The following SPOCK1 variants were observed in gnomAD, a reference collection of about 807,000 sequenced individuals.
SPOCK1 encodes the protein testican-1.
A neutral mutation model predicts 55.3 loss-of-function variants in SPOCK1; 23 were observed. The ratio of observed to expected loss-of-function variants is 0.42; its 90% CI spans 0.30 to 0.59. The LOEUF is 0.59. Ranked by LOEUF, SPOCK1 falls within the 20% of genes least tolerant of loss-of-function variation. SPOCK1 has a pLI of 0.22. For missense variants in SPOCK1, 499 were observed against 552.5 expected (o/e 0.90, Z 0.97); for synonymous variants, 226 against 221.0 (o/e 1.02, Z -0.20).
chr5:137,182,230 C>T (rs1181132122), intron 3 of SPOCK1, among the ~76,000 whole-genome samples: 2 of 152,090 alleles, frequency 1.3e-5, no homozygotes, highest in Non-Finnish European at 2.9e-5. Context: ...TTTTCCTCAC[C>T]TAAAACTTAA....
chr5:137,480,560 T>TA (rs1046849506), intron 2 of SPOCK1, among the ~76,000 whole-genome samples: 1 of 152,044 alleles, frequency 6.6e-6, no homozygotes, highest in African/African-American at 2.4e-5. Flanking sequence ...CCAAGAGAAG[T>TA]AAGTGGATTA....
chr5:137,237,658 G>A (rs2127098044), intron 3 of SPOCK1, among the ~76,000 whole-genome samples: 1 of 152,348 alleles, frequency 6.6e-6, no homozygotes, highest in East Asian at 1.9e-4. Flanking sequence ...CTTATTCAAA[G>A]AGTCAACGTG....
intron 2 of SPOCK1, among the ~76,000 whole-genome samples, chr5:137,409,727 T>G (rs1752171776): frequency 6.6e-6 from 1 of 152,168 alleles, no homozygotes; most frequent in Non-Finnish European, 1.5e-5. Context: ...AGAAAGTTAA[T>G]TTTGTTTTTT....
chr5:137,141,974 C>A (rs1182364790), intron 3 of SPOCK1, among the ~76,000 whole-genome samples: 5 of 152,166 alleles, frequency 3.3e-5, no homozygotes, highest in African/African-American at 1.2e-4. Context: ...TGCTGAGGTG[C>A]ACATGCTCAT....
chr5:137,108,383 G>A (rs1753405956), intron 5 of SPOCK1, among the ~76,000 whole-genome samples: 1 of 151,672 alleles, frequency 6.6e-6, no homozygotes, highest in African/African-American at 2.4e-5. Context: ...TGTTAAGAAA[G>A]AGAAAACACA....
intron 3 of SPOCK1, among the ~76,000 whole-genome samples, chr5:137,253,400 A>C (rs1294249803): frequency 2.0e-5 from 3 of 152,246 alleles, no homozygotes; most frequent in African/African-American, 7.2e-5. Context: ...GCAAAGCTGC[A>C]TAGACATAAC....
chr5:136,990,291 C>T (rs1403999828), intron 7 of SPOCK1, among the ~76,000 whole-genome samples: 10 of 152,080 alleles, frequency 6.6e-5, no homozygotes, highest in Admixed American at 6.6e-4. Context: ...AGCATCTCCT[C>T]CTCTGAGCTC....
At chr5:137,242,736 C>A (rs1431471789) in intron 3 of SPOCK1, among the ~76,000 whole-genome samples, 1 of 151,988 alleles carries the variant, frequency 6.6e-6, no homozygotes, top group Non-Finnish European at 1.5e-5. Flanking sequence ...AAACCCTGTA[C>A]CCCCAACCCC....
At chr5:137,202,709 G>A (rs138669687) in intron 3 of SPOCK1, among the ~76,000 whole-genome samples, 1 of 152,070 alleles carries the variant, frequency 6.6e-6, no homozygotes, top group Admixed American at 6.5e-5. Context: ...GATTTGAAAA[G>A]GAAAATAACA....
intron 2 of SPOCK1, among the ~76,000 whole-genome samples, chr5:137,380,509 A>G (rs1326108660): frequency 6.6e-6 from 1 of 152,218 alleles, no homozygotes; most frequent in Non-Finnish European, 1.5e-5. Context: ...TGAAGACAAG[A>G]GGTTTAATTG....
intron 3 of SPOCK1, among the ~76,000 whole-genome samples, chr5:137,192,371 C>G (rs1755199635): frequency 6.6e-6 from 1 of 151,946 alleles, no homozygotes; most frequent in Non-Finnish European, 1.5e-5. Flanking sequence ...CTGGCAAATA[C>G]CCAGCTCCCA....
intron 5 of SPOCK1, among the ~76,000 whole-genome samples, chr5:137,097,290 C>T (rs1405132148): frequency 6.6e-6 from 1 of 152,118 alleles, no homozygotes; most frequent in Non-Finnish European, 1.5e-5. Flanking sequence ...GTTCTAAGCC[C>T]AGTTTTCTGA....
intron 5 of SPOCK1, among the ~76,000 whole-genome samples, chr5:137,096,041 T>C (rs1753139715): frequency 6.6e-6 from 1 of 152,106 alleles, no homozygotes. Flanking sequence ...TCAAGGAGAA[T>C]AGATTTTGGG....
At chr5:137,357,690 G>A (rs1211519711) in intron 2 of SPOCK1, among the ~76,000 whole-genome samples, 2 of 152,164 alleles carry the variant, frequency 1.3e-5, no homozygotes, top group Non-Finnish European at 2.9e-5. Flanking sequence ...GTACTGCTGG[G>A]ACAAGCTGAA....
chr5:137,304,634 TCC>T (rs1282994813), intron 2 of SPOCK1, among the ~76,000 whole-genome samples: 1 of 151,860 alleles, frequency 6.6e-6, no homozygotes, highest in Non-Finnish European at 1.5e-5. Context: ...GGAGGCAGCT[TCC>T]CCCCACTGGG....
At chr5:137,277,911 C>T (rs890038305) in intron 2 of SPOCK1, among the ~76,000 whole-genome samples, 1 of 152,122 alleles carries the variant, frequency 6.6e-6, no homozygotes, top group Admixed American at 6.5e-5. Flanking sequence ...CCTTTGTGTG[C>T]CCTGAACTGA....
intron 6 of SPOCK1, among the ~76,000 whole-genome samples, chr5:137,006,157 CT>C (rs534351490): frequency 5.5e-4 from 83 of 152,264 alleles, no homozygotes; most frequent in Middle Eastern, 3.4e-3. Context: ...CAGCTTCGTT[CT>C]TTTTGCTTAG....
chr5:137,044,859 G>A (rs1471916556), intron 6 of SPOCK1, among the ~76,000 whole-genome samples: 1 of 142,484 alleles, frequency 7.0e-6, no homozygotes, highest in African/African-American at 2.6e-5. Context: ...TGATCTCATT[G>A]TTCAATTCCC....
chr5:137,452,288 T>G (rs1156575582), intron 2 of SPOCK1, among the ~76,000 whole-genome samples: 1 of 152,232 alleles, frequency 6.6e-6, no homozygotes, highest in Non-Finnish European at 1.5e-5. Flanking sequence ...TGAGCTTTTT[T>G]GCCAATGAAA....
Sources: allele counts gnomAD v4.1 joint callset (sites outside exome capture counted in the v4.1 genomes callset), GRCh38; gene constraint gnomAD v4.1.1; transcripts MANE v1.5; gene names NCBI Gene and HGNC (gene_info 2026-07-23, HGNC 2026-07-21).